The following KCNB2 variants were observed in gnomAD, a reference collection of about 807,000 sequenced individuals.
KCNB2 encodes potassium voltage-gated channel subfamily B member 2, also known as delayed rectifier potassium channel protein.
Under a neutral mutation model 61.5 loss-of-function variants are expected in KCNB2, and 15 were observed. That is an observed-to-expected ratio of 0.24 (90% CI 0.16 to 0.38). KCNB2 has a LOEUF of 0.38. KCNB2 is among the 10% of genes least tolerant of loss of function. KCNB2 has a pLI of 1.00. For synonymous variants in KCNB2, 457 were observed against 446.0 expected (o/e 1.02, Z -0.31); for missense variants, 828 against 1,125.2 (o/e 0.74, Z 3.78).
intron 2 of KCNB2, among the ~76,000 whole-genome samples, chr8:72,653,509 T>C (rs1167238807): frequency 6.6e-6 from 1 of 152,170 alleles, no homozygotes; most frequent in Non-Finnish European, 1.5e-5. Flanking sequence ...TATTATTTAT[T>C]TTTTGTTTAT....
intron 2 of KCNB2, among the ~76,000 whole-genome samples, chr8:72,588,798 A>G (rs1383637725): frequency 6.6e-6 from 1 of 152,150 alleles, no homozygotes; most frequent in African/African-American, 2.4e-5. Flanking sequence ...CTGGAGGCTG[A>G]GGTGGGAGAA....
intron 1 of KCNB2, among the ~76,000 whole-genome samples, chr8:72,551,924 C>T (rs1176767924): frequency 2.0e-5 from 3 of 152,074 alleles, no homozygotes; most frequent in Admixed American, 1.3e-4. Flanking sequence ...AGCTGGGGCC[C>T]AAGTCAAGTT....
intron 2 of KCNB2, among the ~76,000 whole-genome samples, chr8:72,669,968 G>T (rs569163265): frequency 1.3e-5 from 2 of 152,146 alleles, no homozygotes; most frequent in African/African-American, 2.4e-5. Context: ...CACCTGCCAG[G>T]CATGAGGAGA....
At chr8:72,667,031 G>GATGGAGAGAGTGACAGAGAGGA (rs1401869677) in intron 2 of KCNB2, among the ~76,000 whole-genome samples, 2 of 151,738 alleles carry the variant, frequency 1.3e-5, no homozygotes, top group African/African-American at 2.4e-5. Flanking sequence ...GACAGAGAGG[G>GATGGAGAGAGTGACAGAGAGGA]ATGGAGAGAG....
chr8:72,822,724 AG>A (rs2129001227), intron 2 of KCNB2, among the ~76,000 whole-genome samples: 1 of 152,344 alleles, frequency 6.6e-6, no homozygotes, highest in African/African-American at 2.4e-5. Flanking sequence ...TACTAAATTT[AG>A]AATAAAATCT....
intron 2 of KCNB2, among the ~76,000 whole-genome samples, chr8:72,779,878 C>T (rs921083933): frequency 1.3e-5 from 2 of 152,132 alleles, no homozygotes; most frequent in Admixed American, 1.3e-4. Context: ...TATTCAATAT[C>T]CACCACTGCG....
chr8:72,805,935 A>T (rs531365208), intron 2 of KCNB2, among the ~76,000 whole-genome samples: 1 of 152,290 alleles, frequency 6.6e-6, no homozygotes, highest in Non-Finnish European at 1.5e-5. Flanking sequence ...AGGAAAAGAG[A>T]CCTGGCTCTA....
chr8:72,603,230 T>G (rs1029120353), intron 2 of KCNB2, among the ~76,000 whole-genome samples: 1 of 152,200 alleles, frequency 6.6e-6, no homozygotes, highest in Non-Finnish European at 1.5e-5. Context: ...AGCCTTAGCC[T>G]GGCACACAAG....
chr8:72,800,788 G>C (rs1263259092), intron 2 of KCNB2, among the ~76,000 whole-genome samples: 4 of 152,176 alleles, frequency 2.6e-5, no homozygotes, highest in African/African-American at 4.8e-5. Flanking sequence ...TTCTGTTTCT[G>C]AAGTGACACT....
chr8:72,833,997 A>G (rs374758225), intron 2 of KCNB2, among the ~76,000 whole-genome samples: 3 of 152,240 alleles, frequency 2.0e-5, no homozygotes, highest in Admixed American at 1.3e-4. Context: ...GATACAAACC[A>G]GATACTGTTT....
At chr8:72,886,757 G>A (rs17189856) in intron 2 of KCNB2, among the ~76,000 whole-genome samples, 15,886 of 152,276 alleles carry the variant, frequency 0.1, 1,011 homozygotes, top group South Asian at 0.24. Flanking sequence ...AAATAGTAGC[G>A]ATTTAAACAG....
intron 2 of KCNB2, among the ~76,000 whole-genome samples, chr8:72,803,603 C>A (rs1399100170): frequency 6.6e-6 from 1 of 152,174 alleles, no homozygotes; most frequent in Non-Finnish European, 1.5e-5. Context: ...CTCCTTCACT[C>A]CTCTCTATAA....
intron 2 of KCNB2, among the ~76,000 whole-genome samples, chr8:72,791,114 G>C (rs530962585): frequency 6.6e-6 from 1 of 152,300 alleles, no homozygotes; most frequent in East Asian, 1.9e-4. Context: ...AATGTTCAGA[G>C]TGATTAGTAT....
chr8:72,821,383 T>A (rs1181013813), intron 2 of KCNB2, among the ~76,000 whole-genome samples: 1 of 152,140 alleles, frequency 6.6e-6, no homozygotes, highest in Admixed American at 6.6e-5. Flanking sequence ...GGGGCAGCAC[T>A]AAGCTCAGGT....
intron 2 of KCNB2, among the ~76,000 whole-genome samples, chr8:72,733,838 A>C (rs1300654398): frequency 1.3e-5 from 2 of 151,948 alleles, no homozygotes; most frequent in Non-Finnish European, 2.9e-5. Flanking sequence ...GAATTCTTGG[A>C]GGTGGGAAGG....
chr8:72,538,393 G>C (rs566662891), intron 1 of KCNB2, among the ~76,000 whole-genome samples: 1 of 152,146 alleles, frequency 6.6e-6, no homozygotes, highest in African/African-American at 2.4e-5. Flanking sequence ...TCTGCTAGGG[G>C]ACTTGGGAAT....
intron 2 of KCNB2, among the ~76,000 whole-genome samples, chr8:72,898,542 A>G (rs139858563): frequency 0.012 from 1,789 of 152,300 alleles, 31 homozygotes; most frequent in African/African-American, 0.04. Context: ...CTTAAAATAT[A>G]CTTACCAAAT....
intron 2 of KCNB2, among the ~76,000 whole-genome samples, chr8:72,659,603 G>T (rs1806347421): frequency 6.6e-6 from 1 of 152,150 alleles, no homozygotes; most frequent in South Asian, 2.1e-4. Flanking sequence ...TGCACATTGA[G>T]ATTCATGCCA....
At position 72,573,658 on chromosome 8, in the gene KCNB2, C is replaced by T. The variant is rs1215100557; in HGVS notation, c.579+5345C>T. On this transcript the variant is annotated intron_variant, in intron 2 of 2. Coordinates refer to ENST00000523207, the MANE Select transcript of KCNB2 (RefSeq NM_004770.3). ...TCTACATTGAGGCCCCTCTGTGTAC[C>T]GTGCAGTGCTCTTCTCTACATTGAG... Among the ~76,000 whole-genome samples the T allele has an allele frequency of 4.6e-5, 7 of 150,920 alleles. No individual in the cohort carries two copies. In the South Asian group the frequency reaches 6.3e-4, roughly 14 times the overall value.
Sources: allele counts gnomAD v4.1 joint callset (sites outside exome capture counted in the v4.1 genomes callset), GRCh38; gene constraint gnomAD v4.1.1; transcripts MANE v1.5; gene names NCBI Gene and HGNC (gene_info 2026-07-23, HGNC 2026-07-21).